SPRED2: variants seen among roughly 807,000 people sequenced by gnomAD.
The protein encoded by SPRED2 is sprouty related EVH1 domain containing 2.
SPRED2 carries 47 observed loss-of-function variants against 43.0 expected under a neutral mutation model. The observed-to-expected ratio is 1.09, with a 90% CI of 0.87 to 1.40. The LOEUF is 1.40. SPRED2 is among the 40% of genes most tolerant of loss of function. SPRED2 has a pLI of 0.00. For missense variants in SPRED2, 561 were observed against 586.4 expected (o/e 0.96, Z 0.45); for synonymous variants, 225 against 225.7 (o/e 1.00, Z 0.03).
chr2:65,317,164 G>T (rs1673265097), intron 4 of SPRED2, among the ~76,000 whole-genome samples: 1 of 152,170 alleles, frequency 6.6e-6, no homozygotes, highest in African/African-American at 2.4e-5. Context: ...TGGGTGCGGG[G>T]GGAAAGGCTG....
At chr2:65,355,013 G>T (rs1674609018) in intron 1 of SPRED2, among the ~76,000 whole-genome samples, 1 of 152,216 alleles carries the variant, frequency 6.6e-6, no homozygotes, top group Non-Finnish European at 1.5e-5. Context: ...GGTCAGGCCT[G>T]GGGGGACTGG....
chr2:65,309,587 G>C (rs1673016975), downstream of SPRED2, among the ~76,000 whole-genome samples: 2 of 147,964 alleles, frequency 1.4e-5, no homozygotes, highest in African/African-American at 4.9e-5. Context: ...TCAGGGACTT[G>C]AGCATCTGTG....
In SPRED2 at chr2:65,313,720, C is replaced by T. The variant is rs376620395; in HGVS notation, c.1038G>A (p.Ala346=). The change falls in exon 6 of 6, where the codon GCG becomes GCA. Residue 346 remains alanine, a synonymous_variant. Coordinates refer to ENST00000356388, the MANE Select transcript of SPRED2 (RefSeq NM_181784.3). ...ACATACAGTGATAGAGCATGCTGTCCGCGCACCACATGCAGCTCACCCGGC... is the reference window on the plus strand; with the variant it reads ...ACATACAGTGATAGAGCATGCTGTCTGCGCACCACATGCAGCTCACCCGGC... The part of the protein sequence containing the change: ...CIRRVSCMWC[A]DSMLYHCMSD... The T allele has an allele frequency of 4.3e-6, 7 of 1,614,056 alleles. No individual in the cohort carries two copies. The highest frequency in any genetic ancestry group is 2.7e-5 in the African/African-American group (2 of 74,924).
chr2:65,311,193 G>T lies in SPRED2; in HGVS notation c.*2308C>A. On this transcript the variant is annotated 3_prime_UTR_variant, in exon 6 of 6. Coordinates refer to ENST00000356388, the MANE Select transcript of SPRED2 (RefSeq NM_181784.3). ...TCTGAATAATTTCTCTCAAATGATTGACGTCAGTATGGCAAAGCTGACTGG... is the reference window on the plus strand; with the variant it reads ...TCTGAATAATTTCTCTCAAATGATTTACGTCAGTATGGCAAAGCTGACTGG... The T allele has an allele frequency of 1.0e-6, 1 of 985,772 alleles. No individual in the cohort carries two copies. Among genetic ancestry groups the T allele is most frequent in the Non-Finnish European group, 1.2e-6 (1 of 829,864 alleles). 61.1% of individuals were successfully genotyped at this position (985,772 alleles called of 1,614,324 possible).
intron 1 of SPRED2, among the ~76,000 whole-genome samples, chr2:65,366,303 A>T (rs2104329903): frequency 7.5e-6 from 1 of 133,978 alleles, no homozygotes; most frequent in East Asian, 2.3e-4. Flanking sequence ...CTTAATAATA[A>T]AAAACAACAA....
intron 1 of SPRED2, among the ~76,000 whole-genome samples, chr2:65,358,664 A>G (rs1674722853): frequency 6.6e-6 from 1 of 152,266 alleles, no homozygotes; most frequent in Non-Finnish European, 1.5e-5. Context: ...CAATGTGACA[A>G]ATAATTTCTG....
chr2:65,321,971 C>G (rs1012242279), intron 4 of SPRED2, among the ~76,000 whole-genome samples: 23 of 152,046 alleles, frequency 1.5e-4, no homozygotes, highest in African/African-American at 5.3e-4. Flanking sequence ...GATGGGGTTT[C>G]ACCAGGTTGC....
chr2:65,400,509 T>C (rs944910022), intron 1 of SPRED2, among the ~76,000 whole-genome samples: 4 of 152,206 alleles, frequency 2.6e-5, no homozygotes, highest in Non-Finnish European at 4.4e-5. Flanking sequence ...ATCTTTTTTA[T>C]CCTCATAGGT....
rs558949102 is a variant in SPRED2 at position 65,363,019 on chromosome 2, T to G, written c.27-18123A>C. Among the ~76,000 whole-genome samples, 297 of 145,856 alleles carry G rather than the reference T, an allele frequency of 2.0e-3. 6 individuals are homozygous for G. Among genetic ancestry groups the G allele is most frequent in the East Asian group, 6.3e-3 (32 of 5,096 alleles). On this transcript the variant is annotated intron_variant, in intron 1 of 5. Transcript: ENST00000356388. ...CATCATGTTTTGTTTTTTTTTTTTT[T>G]TTTTTTTTTTGAAAGGTTTGAGACC...
rs570909233 is a variant in SPRED2 at position 65,323,568 on chromosome 2, G to A, written c.439-6685C>T. On this transcript the variant is annotated intron_variant, in intron 4 of 5. Coordinates refer to ENST00000356388, the MANE Select transcript of SPRED2 (RefSeq NM_181784.3). ...GGCTGGCCTGTCCAAATCCTCTATG[G>A]TAGTAAAAAAAAAAAAATCCATCCC... 2.2e-3 allele frequency among the ~76,000 whole-genome samples: 331 copies of A among 151,126 alleles called. 2 individuals carry two copies. The highest frequency in any genetic ancestry group is 4.0e-3 in the Non-Finnish European group (272 of 67,732).
At chr2:65,394,428 C>T (rs1247897903) in intron 1 of SPRED2, among the ~76,000 whole-genome samples, 1 of 152,178 alleles carries the variant, frequency 6.6e-6, no homozygotes, top group Non-Finnish European at 1.5e-5. Context: ...CTTAATGGAC[C>T]TTCCATTTAA....
chr2:65,405,673 C>T (rs1420588174), intron 1 of SPRED2, among the ~76,000 whole-genome samples: 5 of 152,172 alleles, frequency 3.3e-5, no homozygotes, highest in Admixed American at 2.0e-4. Context: ...GGGAGTGATA[C>T]GGCACTGCAA....
rs1673125284 is a variant in SPRED2, at chr2:65,313,384, G to C, written c.*117C>G. The C allele has an allele frequency of 2.0e-6, 3 of 1,499,004 alleles. No individual in the cohort carries two copies. In the Admixed American group the frequency reaches 6.8e-5, roughly 34 times the overall value. The allele number at this position is 1,499,004 out of a possible 1,614,324, so 92.9% of individuals were successfully genotyped here. A position where few individuals can be genotyped will look rare whatever the true frequency, so the allele number is the denominator to read the frequency against. On this transcript the variant is annotated 3_prime_UTR_variant, in exon 6 of 6. Coordinates refer to ENST00000356388, the MANE Select transcript of SPRED2 (RefSeq NM_181784.3). ...GTGCCTCGAGGTACCAGGGAGCTGG[G>C]AGGCCGCTTGCCCTCCTCGCTCCTT... is the stretch of plus-strand genomic sequence containing the variant.
At chr2:65,328,959 A>C (rs1399849395) in intron 4 of SPRED2, among the ~76,000 whole-genome samples, 3 of 152,234 alleles carry the variant, frequency 2.0e-5, no homozygotes, top group Non-Finnish European at 4.4e-5. Flanking sequence ...AAAATTCAAC[A>C]AATTCATTTT....
intron 1 of SPRED2, among the ~76,000 whole-genome samples, chr2:65,416,954 G>C (rs987915904): frequency 1.3e-5 from 2 of 152,132 alleles, no homozygotes; most frequent in African/African-American, 4.8e-5. Flanking sequence ...AGAGTAAAAA[G>C]CTACCATAAA....
chr2:65,335,147 C>T (rs552571079), intron 2 of SPRED2, among the ~76,000 whole-genome samples: 13 of 152,250 alleles, frequency 8.5e-5, no homozygotes, highest in African/African-American at 2.9e-4. Context: ...CCCGAGGCTC[C>T]AAATTCCAAA....
chr2:65,318,553 G>A (rs1673314008), intron 4 of SPRED2, among the ~76,000 whole-genome samples: 1 of 151,692 alleles, frequency 6.6e-6, no homozygotes, highest in Non-Finnish European at 1.5e-5. Flanking sequence ...GAAAAGAAAA[G>A]GCTTTTTCTG....
chr2:65,400,049 G>A (rs1470256478), intron 1 of SPRED2, among the ~76,000 whole-genome samples: 3 of 152,078 alleles, frequency 2.0e-5, no homozygotes, highest in Non-Finnish European at 4.4e-5. Flanking sequence ...GTATACACAG[G>A]TATAAACTCT....
At chr2:65,415,138 C>G (rs1676244629) in intron 1 of SPRED2, among the ~76,000 whole-genome samples, 1 of 152,176 alleles carries the variant, frequency 6.6e-6, no homozygotes, top group South Asian at 2.1e-4. Flanking sequence ...AAACTTACCA[C>G]TTTAACCATT....
Sources: gnomAD v4.1 joint callset for allele counts (sites outside exome capture counted in the v4.1 genomes callset) on GRCh38, gnomAD v4.1.1 for gene constraint, MANE v1.5 for transcripts, NCBI Gene and HGNC (gene_info 2026-07-23, HGNC 2026-07-21) for gene names.